The following GPR55 variants were observed in gnomAD, a reference collection of about 807,000 sequenced individuals.
GPR55 encodes the protein G protein-coupled receptor 55, also known as G-protein coupled receptor 55.
In GPR55, 6 loss-of-function variants were observed where a neutral mutation model predicts 7.9. That is an observed-to-expected ratio of 0.76 (90% CI 0.41 to 1.49). GPR55 has a LOEUF of 1.49. GPR55 is among the 40% of genes most tolerant of loss of function. The pLI is 0.01. For synonymous variants in GPR55, 183 were observed against 166.8 expected, an observed-to-expected ratio of 1.10 and a Z score of -0.75; for missense variants, 376 against 406.0, an observed-to-expected ratio of 0.93 and a Z score of 0.63.
In GPR55 at chr2:230,923,723, T is replaced by G. The variant is rs765883619; in HGVS notation, c.-135+1445A>C. On this transcript the variant is annotated intron_variant, in intron 1 of 1. Transcript: ENST00000650999. The surrounding 1 kb of genome is among the most constrained non-coding windows in gnomAD (Gnocchi z 4.1). Reference sequence around the variant, plus strand: ...CACTCCTAGGAGATTGCCCTAATTATGCCCATTTTACAGATAAGGACAGTA... The same window carrying G: ...CACTCCTAGGAGATTGCCCTAATTAGGCCCATTTTACAGATAAGGACAGTA... Among the ~76,000 whole-genome samples, 1 of 152,148 alleles carries G rather than the reference T, an allele frequency of 6.6e-6. No homozygotes were observed. The highest frequency in any genetic ancestry group is 1.5e-5 in the Non-Finnish European group (1 of 68,030).
rs1363308751 is a variant in GPR55 at position 230,910,390 on chromosome 2, G to A, written c.573C>T (p.Leu191=). The change falls in exon 2 of 2, where the codon CTC becomes CTT. Residue 191 remains leucine, a synonymous_variant. Coordinates refer to ENST00000650999, the MANE Select transcript of GPR55 (RefSeq NM_005683.4). This position sits in a 1 kb window ranked among gnomAD's most constrained non-coding sequence, Gnocchi z 5.4. ...VFFPLEVFGF[L]LPMGIMGFCC... ...AGAAGCCCATGATGCCCATGGGAAG[G>A]AGGAAGCCAAACACCTCCAGCGGGA... The A allele has an allele frequency of 3.7e-6, 6 of 1,614,020 alleles. No homozygotes were observed. Among genetic ancestry groups the A allele is most frequent in the Non-Finnish European group, 5.1e-6 (6 of 1,179,998 alleles).
intron 1 of GPR55, among the ~76,000 whole-genome samples, chr2:230,931,350 G>A (rs758555677): frequency 3.3e-5 from 5 of 152,176 alleles, no homozygotes; most frequent in Non-Finnish European, 7.3e-5. Flanking sequence ...AGGTGCAAAC[G>A]ATCAACAGCC....
At position 230,910,110 on chromosome 2, in the gene GPR55, C is replaced by T. The variant is rs376040725; in HGVS notation, c.853G>A (p.Val285Ile). 4 of 1,614,200 alleles carry T rather than the reference C, an allele frequency of 2.5e-6. No homozygotes were observed. Among genetic ancestry groups the T allele is most frequent in the East Asian group, 2.2e-5 (1 of 44,884 alleles). Residue 285 changes from valine to isoleucine, a missense_variant, in exon 2 of 2, where the codon GTT (valine) becomes ATT (isoleucine). Val to Ile is a conservative substitution (Grantham distance 29). Coordinates refer to ENST00000650999, the MANE Select transcript of GPR55 (RefSeq NM_005683.4). The surrounding 1 kb of genome is among the most constrained non-coding windows in gnomAD (Gnocchi z 5.4). ...TTGATGACAAAGTAGTAGCAGAAAA[C>T]ATCCAGGCAGCAGTTGACGTTGGAG... ...CFSNVNCCLD[V>I]FCYYFVIKEF...
rs1054790429 is a variant in GPR55 at position 230,934,998 on chromosome 2, G to A, written c.-134-23902C>T. 2.0e-5 allele frequency among the ~76,000 whole-genome samples: 3 copies of A among 152,030 alleles called. No individual in the cohort carries two copies. The South Asian group carries it at 6.2e-4, about 32-fold the overall frequency. ...TCTCTGGCTGCCAGGACACACATGG[G>A]TTACCTCCTTCCTACCACCTGGACA... is the stretch of plus-strand genomic sequence containing the variant. On this transcript the variant is annotated intron_variant, in intron 1 of 1. Coordinates refer to the GPR55 transcript ENST00000392039.
rs1276037263 is a variant in GPR55 at position 230,909,087 on chromosome 2, TAATGAGCAACTTCCCAGTCTG to T, written c.*895_*915del. Reference sequence around the variant, plus strand: ...CCATTGTTTTCAAGGAAGCTAGCTGTAATGAGCAACTTCCCAGTCTGTTTAAGATAGAAAGCAGGTCGGGGT... The same window carrying T: ...CCATTGTTTTCAAGGAAGCTAGCTGTTTTAAGATAGAAAGCAGGTCGGGGT... On this transcript the variant is annotated 3_prime_UTR_variant, in exon 2 of 2. Coordinates refer to ENST00000650999, the MANE Select transcript of GPR55 (RefSeq NM_005683.4). The T allele has an allele frequency of 6.6e-6, 1 of 152,324 alleles. No individual in the cohort carries two copies. The highest frequency in any genetic ancestry group is 1.5e-5 in the Non-Finnish European group (1 of 68,112). 9.4% of individuals were successfully genotyped at this position (152,324 alleles called of 1,614,324 possible).
At chr2:230,936,677 G>A (rs915743906) in intron 1 of GPR55, among the ~76,000 whole-genome samples, 12 of 152,272 alleles carry the variant, frequency 7.9e-5, no homozygotes, top group African/African-American at 2.4e-4. Context: ...TGGCTCAAAG[G>A]GGACCAAGGA....
chr2:230,933,971 T>C (rs2125062929), intron 1 of GPR55, among the ~76,000 whole-genome samples: 1 of 152,304 alleles, frequency 6.6e-6, no homozygotes, highest in East Asian at 1.9e-4. Flanking sequence ...AAGCTTCCGG[T>C]GACCACCCCA....
At chr2:230,934,060 C>T (rs1049124690) in intron 1 of GPR55, among the ~76,000 whole-genome samples, 2 of 152,126 alleles carry the variant, frequency 1.3e-5, no homozygotes, top group African/African-American at 4.8e-5. Flanking sequence ...GGGTGCTTTC[C>T]TTGCCCACCT....
intron 1 of GPR55, among the ~76,000 whole-genome samples, chr2:230,943,652 G>A (rs1295584865): frequency 6.6e-6 from 1 of 152,222 alleles, no homozygotes; most frequent in Non-Finnish European, 1.5e-5. Context: ...TGGAGGCGGG[G>A]CCTGGTGGAG....
chr2:230,952,171 G>A (rs1480399830), intron 1 of GPR55, among the ~76,000 whole-genome samples: 2 of 152,232 alleles, frequency 1.3e-5, no homozygotes, highest in East Asian at 3.9e-4. Flanking sequence ...CCCTCCTGCA[G>A]GCAGCAGGCC....
chr2:230,944,960 G>A lies in GPR55; in HGVS notation c.-135+15815C>T, dbSNP rs913538921. On this transcript the variant is annotated intron_variant, in intron 1 of 1. Transcript: ENST00000392039. This position sits in a 1 kb window ranked among gnomAD's most constrained non-coding sequence, Gnocchi z 4.2. ...CCCAGCCACCCACACTCGCTGCCGG[G>A]GGAAGAACCAGGTAAGGTTCCCGCA... Among the ~76,000 whole-genome samples the A allele has an allele frequency of 6.6e-6, 1 of 152,208 alleles. No homozygotes were observed. The highest frequency in any genetic ancestry group is 2.4e-5 in the African/African-American group (1 of 41,438).
At chr2:230,913,976 G>C (rs1267058984) in intron 1 of GPR55, among the ~76,000 whole-genome samples, 1 of 152,064 alleles carries the variant, frequency 6.6e-6, no homozygotes, top group Non-Finnish European at 1.5e-5. Flanking sequence ...TCTTTGTCTG[G>C]GTCACACTAA....
upstream of GPR55, among the ~76,000 whole-genome samples, chr2:230,925,989 A>C (rs1690935015): frequency 6.6e-6 from 1 of 152,104 alleles, no homozygotes; most frequent in Non-Finnish European, 1.5e-5. Context: ...ATTCCAGCCC[A>C]TCAGGAAAGT....
At chr2:230,939,907 G>T (rs74473243) in intron 1 of GPR55, among the ~76,000 whole-genome samples, 3,694 of 152,104 alleles carry the variant, frequency 0.024, 138 homozygotes, top group African/African-American at 0.085. Flanking sequence ...AGGCTGAAGA[G>T]ACATCATACC....
At chr2:230,945,128 T>C (rs1211854385) in intron 1 of GPR55, among the ~76,000 whole-genome samples, 1 of 152,110 alleles carries the variant, frequency 6.6e-6, no homozygotes, top group Admixed American at 6.5e-5. Context: ...ACAAAGCAGA[T>C]AGAAGACTAC....
chr2:230,920,538 C>T (rs183099490), intron 1 of GPR55, among the ~76,000 whole-genome samples: 76 of 152,080 alleles, frequency 5.0e-4, no homozygotes, highest in Admixed American at 1.4e-3. Context: ...ACAGGTCAGC[C>T]ATCACATTAT....
chr2:230,934,267 A>G (rs1011699838), intron 1 of GPR55, among the ~76,000 whole-genome samples: 12 of 152,182 alleles, frequency 7.9e-5, no homozygotes, highest in African/African-American at 2.9e-4. Flanking sequence ...CTAGGTCTGC[A>G]TCAGGGCCAG....
rs1175784628 is a variant in GPR55, at chr2:230,944,416, G to A, written c.-135+16359C>T. On this transcript the variant is annotated intron_variant, in intron 1 of 1. Coordinates refer to the GPR55 transcript ENST00000392039. This position sits in a 1 kb window ranked among gnomAD's most constrained non-coding sequence, Gnocchi z 4.2. ...CAAACCCCAGAAGTGTGGAAGGGAA[G>A]GGGAGAAAGCCTGTGGAGGGAGGTG... 1.3e-5 allele frequency among the ~76,000 whole-genome samples: 2 copies of A among 152,232 alleles called. No individual in the cohort carries two copies.
chr2:230,917,584 G>T (rs1447041977), intron 1 of GPR55, among the ~76,000 whole-genome samples: 1 of 152,180 alleles, frequency 6.6e-6, no homozygotes, highest in East Asian at 1.9e-4. Context: ...AAGGAGGGAG[G>T]ATCGTTTGAG....
Sources: allele counts gnomAD v4.1 joint callset (sites outside exome capture counted in the v4.1 genomes callset), GRCh38; gene constraint gnomAD v4.1.1; non-coding constraint Gnocchi (gnomAD v3.1); transcripts MANE v1.5; gene names NCBI Gene and HGNC (gene_info 2026-07-23, HGNC 2026-07-21).